ZFYVE28: variants seen among roughly 807,000 people sequenced by gnomAD.
ZFYVE28 encodes the protein zinc finger FYVE-type containing 28, also known as lateral signaling target protein 2 homolog.
Under a neutral mutation model 82.1 loss-of-function variants are expected in ZFYVE28, and 40 were observed. The ratio of observed to expected loss-of-function variants is 0.49; its 90% confidence interval spans 0.38 to 0.63. The LOEUF (loss-of-function observed/expected upper bound fraction) is 0.63. Among genes scored for constraint, ZFYVE28 ranks in the 30% least tolerant of loss-of-function variants. The pLI is 0.00. For synonymous variants in ZFYVE28, 612 were observed against 546.1 expected (o/e 1.12, Z -1.68); for missense variants, 1,321 against 1,242.1 (o/e 1.06, Z -0.96).
At chr4:2,346,377 C>A (rs1460735022) in intron 2 of ZFYVE28, among the ~76,000 whole-genome samples, 3 of 150,686 alleles carry the variant, frequency 2.0e-5, no homozygotes, top group African/African-American at 4.9e-5. Context: ...GAAAGAAATT[C>A]TTTCAAGCAA....
intron 7 of ZFYVE28, among the ~76,000 whole-genome samples, chr4:2,315,865 G>T (rs1718126322): frequency 6.6e-6 from 1 of 152,052 alleles, no homozygotes; most frequent in Non-Finnish European, 1.5e-5. Context: ...TATTACTTCT[G>T]CCCCTTCTCT....
chr4:2,366,325 G>A (rs1383754041), intron 1 of ZFYVE28, among the ~76,000 whole-genome samples: 3 of 152,228 alleles, frequency 2.0e-5, no homozygotes, highest in African/African-American at 7.2e-5. Flanking sequence ...ATGCAAAGCT[G>A]CACGTGGGCC....
chr4:2,293,717 C>A (rs137962908), intron 8 of ZFYVE28, among the ~76,000 whole-genome samples: 9 of 137,720 alleles, frequency 6.5e-5, no homozygotes, highest in Admixed American at 8.1e-5. Flanking sequence ...CACACCACTG[C>A]ACTCCAGCCT....
intron 1 of ZFYVE28, among the ~76,000 whole-genome samples, chr4:2,399,952 G>A (rs1003211182): frequency 6.6e-6 from 1 of 152,248 alleles, no homozygotes; most frequent in Non-Finnish European, 1.5e-5. Flanking sequence ...GCACCACCAC[G>A]TCCCTCCTCC....
At chr4:2,402,016 G>C (rs958492008) in intron 1 of ZFYVE28, among the ~76,000 whole-genome samples, 2 of 152,250 alleles carry the variant, frequency 1.3e-5, no homozygotes, top group Non-Finnish European at 2.9e-5. Context: ...TTGTCATGCT[G>C]CAGTCTCTGC....
In ZFYVE28 at chr4:2,284,103, A is replaced by G. The variant is rs1209441277; in HGVS notation, c.2052-9887T>C. On this transcript the variant is annotated intron_variant, in intron 8 of 12. Coordinates refer to ENST00000290974, the MANE Select transcript of ZFYVE28 (RefSeq NM_020972.3). Reference sequence around the variant, plus strand: ...GTGCTCTCTTTCTTGGAGCCCCCGCATCCACATTCATTGACATCAATCGAC... The same window carrying G: ...GTGCTCTCTTTCTTGGAGCCCCCGCGTCCACATTCATTGACATCAATCGAC... Among the ~76,000 whole-genome samples, 3 of 152,230 alleles carry G rather than the reference A, an allele frequency of 2.0e-5. No individual in the cohort carries two copies. The East Asian group carries it at 5.8e-4, about 29-fold the overall frequency.
chr4:2,355,545 G>A (rs1274356269), intron 1 of ZFYVE28, among the ~76,000 whole-genome samples: 1 of 150,896 alleles, frequency 6.6e-6, no homozygotes, highest in African/African-American at 2.4e-5. Flanking sequence ...CTTCCAAAGT[G>A]CTGGGATTAC....
intron 6 of ZFYVE28, among the ~76,000 whole-genome samples, chr4:2,325,330 C>G (rs1394458942): frequency 6.6e-6 from 1 of 152,200 alleles, no homozygotes; most frequent in Non-Finnish European, 1.5e-5. Flanking sequence ...TTACTATTCT[C>G]TATTCAACCA....
chr4:2,284,423 G>A (rs916739242), intron 8 of ZFYVE28, among the ~76,000 whole-genome samples: 15 of 152,304 alleles, frequency 9.8e-5, no homozygotes, highest in East Asian at 7.7e-4. Context: ...GGAGGAGAGC[G>A]CGACGGGGCA....
chr4:2,350,337 G>A lies in ZFYVE28; in HGVS notation c.180+3596C>T, dbSNP rs374533163. 4.8e-3 allele frequency among the ~76,000 whole-genome samples: 731 copies of A among 152,034 alleles called. 4 individuals carry two copies. Among genetic ancestry groups the A allele is most frequent in the South Asian group, 0.02 (95 of 4,810 alleles). On this transcript the variant is annotated intron_variant, in intron 2 of 12. Transcript: ENST00000290974. ...AAATTAGCCGGGCGAGGTGGCGGGC[G>A]CCTGTAGTCCCAGCTACTCGGGAGG...
chr4:2,320,137 C>A lies in ZFYVE28; in HGVS notation c.803+33G>T. On this transcript the variant is annotated intron_variant, in intron 7 of 12. Transcript: ENST00000290974. The surrounding 1 kb of genome is among the most constrained non-coding windows in gnomAD (Gnocchi z 5.1). ...CCACCTGTGGCCCTCCTGTCCCCCT[C>A]CCCTCCCCCACCTCCTCTAGCTCCA... The A allele has an allele frequency of 1.3e-5, 19 of 1,452,528 alleles. No individual in the cohort carries two copies. The highest frequency in any genetic ancestry group is 1.6e-5 in the Non-Finnish European group (17 of 1,035,514). The allele number at this position is 1,452,528 out of a possible 1,614,324, so 90.0% of individuals were successfully genotyped here.
chr4:2,274,281 G>C, intron 8 of ZFYVE28, 65 bp from the exon 9 acceptor site: 1 of 1,556,230 alleles, frequency 6.4e-7, no homozygotes, highest in African/African-American at 1.4e-5. Flanking sequence ...GAGCCCGAAG[G>C]TCACTGGTCA....
At position 2,372,742 on chromosome 4, in the gene ZFYVE28, G is replaced by A. The variant is rs538670971; in HGVS notation, c.40-18669C>T. 1.4e-4 allele frequency among the ~76,000 whole-genome samples: 22 copies of A among 152,244 alleles called. 1 individual carries two copies. The South Asian group carries it at 2.9e-3, about 20-fold the overall frequency. On this transcript the variant is annotated intron_variant, in intron 1 of 12. Coordinates refer to ENST00000290974, the MANE Select transcript of ZFYVE28 (RefSeq NM_020972.3). The surrounding 1 kb of genome is among the most constrained non-coding windows in gnomAD (Gnocchi z 5.2). Reference sequence around the variant, plus strand: ...TCGCTGATTGTGTCAGTTAAACTCCGAGGGTTGGGGCTCATGATGGCAGAG... The same window carrying A: ...TCGCTGATTGTGTCAGTTAAACTCCAAGGGTTGGGGCTCATGATGGCAGAG...
chr4:2,296,407 C>T (rs1040273487), intron 8 of ZFYVE28, among the ~76,000 whole-genome samples: 6 of 152,222 alleles, frequency 3.9e-5, no homozygotes, highest in African/African-American at 7.2e-5. Context: ...GTCTTATCCC[C>T]GACTCACCGT....
intron 2 of ZFYVE28, among the ~76,000 whole-genome samples, chr4:2,353,314 T>A (rs1021570071): frequency 6.6e-6 from 1 of 152,130 alleles, no homozygotes; most frequent in African/African-American, 2.4e-5. Flanking sequence ...TGGAGGAGCA[T>A]GTGTCAGGCC....
rs1348863565 is a variant in ZFYVE28 at position 2,364,553 on chromosome 4, A to C, written c.40-10480T>G. 22 of 985,516 alleles carry C rather than the reference A, an allele frequency of 2.2e-5. No individual in the cohort carries two copies. In the South Asian group the frequency reaches 5.6e-4, roughly 25 times the overall value. 61.0% of individuals were successfully genotyped at this position (985,516 alleles called of 1,614,324 possible). On this transcript the variant is annotated intron_variant, in intron 1 of 12. Coordinates refer to ENST00000290974, the MANE Select transcript of ZFYVE28 (RefSeq NM_020972.3). ...CAGACGCAACAGGAGCCACGTGGGA[A>C]GGGAATTTAGACGGTCGGCACTGGG...
chr4:2,304,929 C>T lies in ZFYVE28; in HGVS notation c.1411G>A (p.Ala471Thr). The T allele has an allele frequency of 6.2e-7, 1 of 1,612,726 alleles. No individual in the cohort carries two copies. The highest frequency in any genetic ancestry group is 8.5e-7 in the Non-Finnish European group (1 of 1,179,872). The change falls in exon 8 of 13, where the codon GCC becomes ACC. Residue 471 changes from alanine to threonine, a missense_variant. Physicochemically the swap from Ala to Thr is moderately conservative, Grantham distance 58. Transcript: ENST00000290974. ...CAGGAGCTGGTGCCCGCGAGGCTGG[C>T]CCCATCTGTGCCCTCGGCCTCGAGA... Reference protein sequence around the residue: ...NNLEAEGTDGASLAGTSSCSC... With the variant: ...NNLEAEGTDGTSLAGTSSCSC...
intron 8 of ZFYVE28, among the ~76,000 whole-genome samples, chr4:2,275,187 G>A (rs2108799235): frequency 6.6e-6 from 1 of 152,296 alleles, no homozygotes; most frequent in East Asian, 1.9e-4. Context: ...GACCCTCCGT[G>A]CATGGGGTCT....
chr4:2,285,162 G>A lies in ZFYVE28; in HGVS notation c.2052-10946C>T, dbSNP rs138338126. On this transcript the variant is annotated intron_variant, in intron 8 of 12. Transcript: ENST00000290974. ...ACGTGGACTGAAGGCAGGGACTGGAGTGATGCTTCTGTAAGCCAAGTACAC... is the reference window on the plus strand; with the variant it reads ...ACGTGGACTGAAGGCAGGGACTGGAATGATGCTTCTGTAAGCCAAGTACAC... Among the ~76,000 whole-genome samples the A allele has an allele frequency of 8.5e-5, 11 of 129,148 alleles. No individual in the cohort carries two copies. In the East Asian group the frequency reaches 2.2e-3, roughly 26 times the overall value. 84.7% of individuals were successfully genotyped at this position (129,148 alleles called of 152,430 possible).
Sources: allele counts gnomAD v4.1 joint callset (sites outside exome capture counted in the v4.1 genomes callset), GRCh38; gene constraint gnomAD v4.1.1; non-coding constraint Gnocchi (gnomAD v3.1); transcripts MANE v1.5; gene names NCBI Gene and HGNC (gene_info 2026-07-23, HGNC 2026-07-21).